Variants in FAM135B observed in about 807,000 individuals in gnomAD.
FAM135B encodes the protein family with sequence similarity 135 member B, also known as protein FAM135B.
Under a neutral mutation model 127.7 loss-of-function variants are expected in FAM135B, and 43 were observed. That is an observed-to-expected ratio of 0.34 (90% CI 0.26 to 0.43). FAM135B has a LOEUF of 0.43. Ranked by LOEUF, FAM135B falls within the 20% of genes least tolerant of loss-of-function variation. FAM135B has a pLI of 1.00. For missense variants in FAM135B, 1,558 were observed against 1,725.6 expected (o/e 0.90, Z 1.72); for synonymous variants, 670 against 665.1 (o/e 1.01, Z -0.11).
chr8:138,348,892 C>T lies in FAM135B; in HGVS notation c.77+19015G>A, dbSNP rs1474218502. ...CTTAGAGTGCCCAGGTTTGTCAACA[C>T]GTGCCCAGTGTCCTGGACTTTAAAC... is the stretch of plus-strand genomic sequence containing the variant. On this transcript the variant is annotated intron_variant, in intron 2 of 19. Coordinates refer to ENST00000395297, the MANE Select transcript of FAM135B (RefSeq NM_015912.4). 2.0e-5 allele frequency among the ~76,000 whole-genome samples: 3 copies of T among 152,240 alleles called. No homozygotes were observed. The East Asian group carries it at 5.8e-4, about 29-fold the overall frequency.
chr8:138,233,245 A>G (rs529958535), intron 7 of FAM135B, among the ~76,000 whole-genome samples: 1 of 152,334 alleles, frequency 6.6e-6, no homozygotes, highest in South Asian at 2.1e-4. Flanking sequence ...GACCAACTGA[A>G]TCAAATTGCA....
rs140717655 is a variant in FAM135B at position 138,165,925 on chromosome 8, A to C, written c.1258+1970T>G. Among the ~76,000 whole-genome samples the C allele has an allele frequency of 6.2e-3, 949 of 152,286 alleles. 12 individuals carry two copies. The highest frequency in any genetic ancestry group is 0.021 in the African/African-American group (890 of 41,544). ...ATTTGCAAGGTTGCACTGCCCTTGG[A>C]AGTCACTTGGATTTTTAAAATATCC... On this transcript the variant is annotated intron_variant, in intron 12 of 19. Transcript: ENST00000395297.
intron 1 of FAM135B, among the ~76,000 whole-genome samples, chr8:138,392,592 C>CA (rs1832640878): frequency 6.6e-6 from 1 of 151,984 alleles, no homozygotes; most frequent in Non-Finnish European, 1.5e-5. Flanking sequence ...TTTTCTAAGT[C>CA]AAAATGAAAA....
chr8:138,405,602 G>C (rs528104052), intron 1 of FAM135B, among the ~76,000 whole-genome samples: 316 of 151,894 alleles, frequency 2.1e-3, no homozygotes, highest in African/African-American at 6.1e-3. Context: ...TTTTCTTAAT[G>C]CAGTCTATCA....
chr8:138,220,353 G>A (rs1168275369), intron 7 of FAM135B, among the ~76,000 whole-genome samples: 1 of 152,098 alleles, frequency 6.6e-6, no homozygotes, highest in Non-Finnish European at 1.5e-5. Context: ...CCTCTCCTCT[G>A]GGGCACCTTG....
At chr8:138,359,648 T>C (rs1051008071) in intron 2 of FAM135B, among the ~76,000 whole-genome samples, 1 of 152,192 alleles carries the variant, frequency 6.6e-6, no homozygotes, top group African/African-American at 2.4e-5. Context: ...CATATTTTAA[T>C]AAGAGAAGTG....
intron 1 of FAM135B, among the ~76,000 whole-genome samples, chr8:138,405,074 C>T (rs1387424456): frequency 6.6e-6 from 1 of 152,066 alleles, no homozygotes; most frequent in Non-Finnish European, 1.5e-5. Flanking sequence ...AATAATAAAA[C>T]TTGAAAGTCA....
intron 1 of FAM135B, among the ~76,000 whole-genome samples, chr8:138,397,213 A>T (rs1324827509): frequency 6.6e-6 from 1 of 152,212 alleles, no homozygotes; most frequent in East Asian, 1.9e-4. Flanking sequence ...ATCTGGAGCC[A>T]GATTCCAGGG....
intron 2 of FAM135B, among the ~76,000 whole-genome samples, chr8:138,325,114 AC>A (rs200708259): frequency 0.034 from 1,961 of 56,904 alleles, 34 homozygotes; most frequent in African/African-American, 0.11. Flanking sequence ...GAAATCATTA[AC>A]CCCCTTAGAT....
intron 11 of FAM135B, among the ~76,000 whole-genome samples, chr8:138,169,282 A>G (rs2130912024): frequency 6.6e-6 from 1 of 151,824 alleles, no homozygotes; most frequent in East Asian, 1.9e-4. Context: ...GGCTGCTACA[A>G]CTTCATAACT....
intron 7 of FAM135B, among the ~76,000 whole-genome samples, chr8:138,215,713 T>C (rs945804405): frequency 9.2e-5 from 14 of 152,206 alleles, no homozygotes; most frequent in Admixed American, 2.0e-4. Context: ...GATACATCAA[T>C]AATAATTGTC....
chr8:138,186,796 T>G (rs536259872), intron 9 of FAM135B, among the ~76,000 whole-genome samples: 1 of 152,312 alleles, frequency 6.6e-6, no homozygotes, highest in African/African-American at 2.4e-5. Context: ...ATATACTTGA[T>G]CAAGTCATTG....
chr8:138,475,214 G>C (rs1564030856), intron 1 of FAM135B, among the ~76,000 whole-genome samples: 1 of 152,092 alleles, frequency 6.6e-6, no homozygotes, highest in Non-Finnish European at 1.5e-5. Flanking sequence ...GTTGGTTTCT[G>C]CAGGCTCTTC....
At position 138,132,392 on chromosome 8, in the gene FAM135B, G is replaced by A; in HGVS notation, c.*201C>T. On this transcript the variant is annotated 3_prime_UTR_variant, in exon 20 of 20. Transcript: ENST00000395297. The surrounding 1 kb of genome is among the most constrained non-coding windows in gnomAD (Gnocchi z 4.5). ...AGGTAACTATACAAATTCAAGCAAA[G>A]TTTGTTGTCATTTAGTCTATTTGCT... 1 of 561,204 alleles carries A rather than the reference G, an allele frequency of 1.8e-6. No homozygotes were observed. The highest frequency in any genetic ancestry group is 3.2e-6 in the Non-Finnish European group (1 of 314,642). 34.8% of individuals were successfully genotyped at this position (561,204 alleles called of 1,614,324 possible).
In FAM135B at chr8:138,158,159, T is replaced by C. The variant is rs1224766370; in HGVS notation, c.1259-4943A>G. On this transcript the variant is annotated intron_variant, in intron 12 of 19. Transcript: ENST00000395297. The stretch of plus-strand genomic sequence containing the variant: ...AAATAATACCACACATCTACAACCA[T>C]CTGATCTTTGACAAATCTGACAAAA... Among the ~76,000 whole-genome samples, 3 of 152,154 alleles carry C rather than the reference T, an allele frequency of 2.0e-5. No individual in the cohort carries two copies. In the East Asian group the frequency reaches 5.8e-4, roughly 29 times the overall value.
chr8:138,203,683 T>G (rs964119620), intron 7 of FAM135B, among the ~76,000 whole-genome samples: 1 of 152,176 alleles, frequency 6.6e-6, no homozygotes, highest in Non-Finnish European at 1.5e-5. Flanking sequence ...ACTCGTTTCA[T>G]GGAAGACAAT....
At position 138,242,982 on chromosome 8, in the gene FAM135B, A is replaced by C; in HGVS notation, c.629T>G (p.Leu210Trp). ...CTTGCAGTACCCAGCTCCAAAGACCAAGTTTTCCAGAGAAATGATAGACTG... is the reference window on the plus strand; with the variant it reads ...CTTGCAGTACCCAGCTCCAAAGACCCAGTTTTCCAGAGAAATGATAGACTG... The part of the protein sequence containing the change: ...QEQSIISLEN[L>W]VFGAGYCKPT... The change falls in exon 7 of 20, where the codon TTG (leucine) becomes TGG (tryptophan). Residue 210 changes from leucine to tryptophan, a missense_variant. Physicochemically the swap from Leu to Trp is moderately conservative, Grantham distance 61. Coordinates refer to ENST00000395297, the MANE Select transcript of FAM135B (RefSeq NM_015912.4). This position sits in a 1 kb window ranked among gnomAD's most constrained non-coding sequence, Gnocchi z 9.6. The C allele has an allele frequency of 6.2e-7, 1 of 1,613,960 alleles. No individual in the cohort carries two copies.
At chr8:138,158,633 G>C (rs1459344282) in intron 12 of FAM135B, among the ~76,000 whole-genome samples, 4 of 152,034 alleles carry the variant, frequency 2.6e-5, no homozygotes, top group African/African-American at 7.2e-5. Flanking sequence ...TGGGCAAAGG[G>C]TATGAACAGA....
chr8:138,168,796 T>C (rs916666202), intron 11 of FAM135B, among the ~76,000 whole-genome samples: 6 of 152,084 alleles, frequency 3.9e-5, no homozygotes, highest in Non-Finnish European at 7.4e-5. Flanking sequence ...AGCATGAACA[T>C]TTCATCATTT....
Sources: gnomAD v4.1 joint callset for allele counts (sites outside exome capture counted in the v4.1 genomes callset) on GRCh38, gnomAD v4.1.1 for gene constraint, Gnocchi (gnomAD v3.1) non-coding constraint, MANE v1.5 for transcripts, NCBI Gene and HGNC (gene_info 2026-07-23, HGNC 2026-07-21) for gene names.